Variants in MAGIX observed in about 807,000 individuals in gnomAD.
The protein encoded by MAGIX is MAGI family member, X-linked.
In MAGIX, 13 loss-of-function variants were observed where a neutral mutation model predicts 10.0. The ratio of observed to expected loss-of-function variants is 1.30; its 90% CI spans 0.84 to 2.06. The LOEUF is 2.06. MAGIX is among the 30% of genes most tolerant of loss of function. MAGIX has a pLI of 0.00. For missense variants in MAGIX, 235 were observed against 245.2 expected (o/e 0.96, Z 0.28); for synonymous variants, 108 against 106.8 (o/e 1.01, Z -0.07).
exon 5 of MAGIX, chrX:49,168,149 T>C (rs1245979641): frequency 8.9e-6 from 1 of 111,832 alleles, no homozygotes; most frequent in East Asian, 2.8e-4. Flanking sequence ...TAGACAGATG[T>C]CAGACAAAAA....
chrX:49,164,601 G>C, intron 2 of MAGIX, 106 bp from the exon 3 acceptor site: 1 of 693,859 alleles, frequency 1.4e-6, no homozygotes, highest in South Asian at 2.3e-5. Context: ...TGAGCTGCAG[G>C]GGCAAGACAA....
chrX:49,165,074 G>T, exon 3 of MAGIX: 1 of 1,205,264 alleles, frequency 8.3e-7, no homozygotes, highest in Admixed American at 2.2e-5. Context: ...CCAGCACAGC[G>T]CTGTGGTCGT....
exon 3 of MAGIX, chrX:49,164,766 A>T (rs2065353930): frequency 8.3e-7 from 1 of 1,210,103 alleles, no homozygotes; most frequent in African/African-American, 1.7e-5. Flanking sequence ...GCCTCATGCC[A>T]CTATTGTGGA....
chrX:49,163,825 TCCTGGCGCGGTTGGACGCGCGCCC>T (rs2065346328), exon 2 of MAGIX: 1 of 1,043,245 alleles, frequency 9.6e-7, no homozygotes, highest in Non-Finnish European at 1.2e-6. Context: ...GCCCGGCAGC[TCCTGGCGCGGTTGGACGCGCGCCC>T]CCTGGCGGCG....
At chrX:49,163,710 C>G in intron 1 of MAGIX, 73 bp from the exon 2 acceptor site, 2 of 946,443 alleles carry the variant, frequency 2.1e-6, no homozygotes, top group Non-Finnish European at 2.7e-6. Flanking sequence ...ATTTCTAGGT[C>G]TTCGAGCGTC....
In MAGIX at chrX:49,164,852, C is replaced by T; in HGVS notation, c.92C>T (p.Pro31Leu). 4.1e-6 allele frequency: 5 copies of T among 1,211,582 alleles called. No homozygotes were observed. The South Asian group carries it at 8.8e-5, about 21-fold the overall frequency. The change falls in exon 3 of 5, where the codon CCT becomes CTT. Residue 31 changes from proline to leucine, a missense_variant. Transcript: ENST00000616266. ...AGGGCAAACTATGTACACCTGTGTC[C>T]TTTATTCCAGCACCGTTGGTTAGAG...
At chrX:49,166,255 C>A (rs1557097995) in exon 5 of MAGIX, 1 of 1,200,443 alleles carries the variant, frequency 8.3e-7, no homozygotes, top group Non-Finnish European at 1.1e-6. Flanking sequence ...CTCCTGAGCG[C>A]CGCGCTGAGG....
At chrX:49,162,821 A>G (rs1371116825) in intron 1 of MAGIX, 6 of 636,741 alleles carry the variant, frequency 9.4e-6, no homozygotes, top group Admixed American at 4.7e-5. Context: ...GCGGGCCGCC[A>G]GGTGAGCGCG....
chrX:49,164,242 G>T, intron 2 of MAGIX: 1 of 260,762 alleles, frequency 3.8e-6, no homozygotes, highest in African/African-American at 2.8e-5. Context: ...GCAGCGAAGG[G>T]GCAGGCCTGA....
At chrX:49,164,293 C>A in intron 2 of MAGIX, 1 of 266,889 alleles carries the variant, frequency 3.7e-6, no homozygotes, top group South Asian at 8.9e-5. Context: ...CCCATGGGGG[C>A]GGGGCTTGAG....
At chrX:49,168,641 G>T (rs782549996), downstream of MAGIX, among the ~76,000 whole-genome samples, 34 of 106,595 alleles carry the variant, frequency 3.2e-4, no homozygotes, top group African/African-American at 1.0e-3. Flanking sequence ...GCTGGGAGTG[G>T]TGGCTCATGC....
exon 2 of MAGIX, chrX:49,163,911 C>T: frequency 9.8e-7 from 1 of 1,019,544 alleles, no homozygotes; most frequent in Non-Finnish European, 1.2e-6. Context: ...CGCCACATTG[C>T]GCCTGCGCCG....
At chrX:49,166,196 A>G in exon 5 of MAGIX, 2 of 1,211,042 alleles carry the variant, frequency 1.7e-6, no homozygotes, top group East Asian at 5.9e-5. Flanking sequence ...GACCCGGGGC[A>G]GCCCGGAGCC....
At chrX:49,166,757 A>T (rs1213351974) in exon 5 of MAGIX, 8 of 181,896 alleles carry the variant, frequency 4.4e-5, no homozygotes, top group Non-Finnish European at 2.0e-5. Flanking sequence ...CTGCTTGCAC[A>T]TGTTATCTTT....
intron 1 of MAGIX, 89 bp from the exon 2 acceptor site, chrX:49,163,694 A>AG (rs1445424217): frequency 2.3e-6 from 2 of 880,065 alleles, no homozygotes; most frequent in East Asian, 4.6e-5. Context: ...GGGTATCCTG[A>AG]GGGGCATTTC....
At chrX:49,166,112 C>T (rs782550025) in exon 5 of MAGIX, 8 of 1,211,754 alleles carry the variant, frequency 6.6e-6, no homozygotes, top group Non-Finnish European at 8.9e-6. Flanking sequence ...TCCTGGAGGG[C>T]CGGAGGTAAC....
In MAGIX at chrX:49,165,091, G is replaced by A; in HGVS notation, c.330+1G>A. The A allele has an allele frequency of 8.3e-7, 1 of 1,204,236 alleles. No homozygotes were observed. Among genetic ancestry groups the A allele is most frequent in the Non-Finnish European group, 1.1e-6 (1 of 889,991 alleles). On this transcript the variant is annotated splice_donor_variant, in intron 3 of 4. Coordinates refer to ENST00000616266, the Ensembl canonical transcript of MAGIX. LOFTEE classifies it high-confidence loss of function. ...AGCACAGCGCTGTGGTCGTTTGGAG[G>A]TGAGCCCTGAAGCCCCTTCCACTGG...
exon 4 of MAGIX, chrX:49,165,345 G>T (rs868995093): frequency 1.7e-6 from 2 of 1,167,577 alleles, no homozygotes; most frequent in Non-Finnish European, 2.3e-6. Flanking sequence ...GGGTGGGAGA[G>T]CCCCGAAAAG....
chrX:49,162,893 G>T, intron 1 of MAGIX: 1 of 906,269 alleles, frequency 1.1e-6, no homozygotes, highest in Non-Finnish European at 1.5e-6. Flanking sequence ...ACTGGCCATG[G>T]AGCCGCGCAC....
Sources: gnomAD v4.1 joint callset for allele counts (sites outside exome capture counted in the v4.1 genomes callset) on GRCh38, gnomAD v4.1.1 for gene constraint, MANE v1.5 for transcripts, NCBI Gene and HGNC (gene_info 2026-07-23, HGNC 2026-07-21) for gene names.